The following MORC1 variants were observed in gnomAD, a reference collection of about 807,000 sequenced individuals.
The protein encoded by MORC1 is MORC family CW-type zinc finger 1, also known as MORC family CW-type zinc finger protein 1.
In MORC1, 59 loss-of-function variants were observed where a neutral mutation model predicts 134.9. That is an observed-to-expected ratio of 0.44 (90% CI 0.35 to 0.54). MORC1 has a LOEUF of 0.54. MORC1 is among the 20% of genes least tolerant of loss of function. MORC1 has a pLI of 0.00. For synonymous variants in MORC1, 395 were observed against 391.7 expected (o/e 1.01, Z -0.10); for missense variants, 947 against 1,134.5 (o/e 0.83, Z 2.37).
At chr3:108,969,833 C>G in intron 25 of MORC1, 111 bp from the exon 26 acceptor site, 2 of 1,017,440 alleles carry the variant, frequency 2.0e-6, no homozygotes, top group South Asian at 2.8e-5. Flanking sequence ...AAGCCTAGAA[C>G]TGGCCAACAT....
At chr3:108,983,035 A>C (rs1360572929) in intron 23 of MORC1, among the ~76,000 whole-genome samples, 4 of 152,176 alleles carry the variant, frequency 2.6e-5, no homozygotes, top group Admixed American at 2.6e-4. Context: ...CAAAAAAAAA[A>C]CAATCTCATA....
intron 1 of MORC1, among the ~76,000 whole-genome samples, chr3:109,117,587 T>C (rs1465722588): frequency 1.3e-5 from 2 of 152,156 alleles, no homozygotes; most frequent in African/African-American, 4.8e-5. Flanking sequence ...GTTACATTTT[T>C]GAAAAGACTC....
At chr3:109,105,957 C>G (rs1024737897) in intron 3 of MORC1, among the ~76,000 whole-genome samples, 2 of 152,142 alleles carry the variant, frequency 1.3e-5, no homozygotes, top group Non-Finnish European at 2.9e-5. Flanking sequence ...CTCCTCTCCC[C>G]CTTTAAAGTA....
intron 6 of MORC1, among the ~76,000 whole-genome samples, chr3:109,098,582 C>T (rs1950869756): frequency 6.6e-6 from 1 of 152,194 alleles, no homozygotes; most frequent in Non-Finnish European, 1.5e-5. Context: ...GCAAGTTGTA[C>T]TCTCTCCATA....
intron 9 of MORC1, among the ~76,000 whole-genome samples, chr3:109,067,624 TG>T (rs1175994061): frequency 3.3e-5 from 5 of 152,216 alleles, no homozygotes; most frequent in Admixed American, 1.3e-4. Flanking sequence ...TCGGCTATAT[TG>T]ATTGATCCAG....
rs1947909390 is a variant in MORC1 at position 108,986,901 on chromosome 3, C to G, written c.2236G>C (p.Glu746Gln). Residue 746 changes from glutamate (E) to glutamine (Q), a missense_variant, in exon 22 of 28, where the codon GAA becomes CAA. By Grantham distance (29) the Glu-to-Gln change is conservative. Coordinates refer to ENST00000232603, the MANE Select transcript of MORC1 (RefSeq NM_014429.4). ...TDVSLKQEKK[E>Q]IPLLNQEKQE... is the part of the protein sequence containing the mutation. ...TTACCTTGGTTTAAAAGAGGAATTT[C>G]CTTTTTTTCTTGTTTCAATGAAACA... The G allele has an allele frequency of 1.3e-6, 2 of 1,569,708 alleles. No individual in the cohort carries two copies. Among genetic ancestry groups the G allele is most frequent in the Admixed American group, 1.9e-5 (1 of 51,808 alleles).
At chr3:108,971,278 A>C in intron 25 of MORC1, 52 bp downstream of exon 25, 1 of 1,514,950 alleles carries the variant, frequency 6.6e-7, no homozygotes, top group African/African-American at 1.4e-5. Context: ...TTCTTCACTG[A>C]GATTCAGGCT....
chr3:109,011,524 GTT>G (rs577815272), intron 17 of MORC1, among the ~76,000 whole-genome samples: 4 of 138,316 alleles, frequency 2.9e-5, no homozygotes, highest in Non-Finnish European at 3.2e-5. Context: ...CTTTGTTTTT[GTT>G]TTTTTTTTTT....
rs1947368984 is a variant in MORC1 at position 108,971,190 on chromosome 3, T to C, written c.2550+140A>G. The C allele has an allele frequency of 7.5e-6, 5 of 668,408 alleles. No homozygotes were observed. The South Asian group carries it at 1.0e-4, about 13-fold the overall frequency. 41.4% of individuals were successfully genotyped at this position (668,408 alleles called of 1,614,324 possible). On this transcript the variant is annotated intron_variant, in intron 25 of 27. Coordinates refer to ENST00000232603, the MANE Select transcript of MORC1 (RefSeq NM_014429.4). Reference sequence around the variant, plus strand: ...TTTCAAATATAGCTTTAATTATGAATCACCATTTGGTATAAAGATGCTCAT... The same window carrying C: ...TTTCAAATATAGCTTTAATTATGAACCACCATTTGGTATAAAGATGCTCAT...
At chr3:108,975,207 G>A (rs1023263553) in intron 24 of MORC1, among the ~76,000 whole-genome samples, 5 of 152,178 alleles carry the variant, frequency 3.3e-5, no homozygotes, top group Non-Finnish European at 5.9e-5. Context: ...AGAAGAGCAA[G>A]CCTCCTACTG....
chr3:109,036,973 C>T (rs953863594), intron 14 of MORC1, among the ~76,000 whole-genome samples: 1 of 152,150 alleles, frequency 6.6e-6, no homozygotes, highest in Non-Finnish European at 1.5e-5. Flanking sequence ...CTGGAAATGC[C>T]TCTAAAATTT....
chr3:109,027,879 C>T lies in MORC1; in HGVS notation c.1576G>A (p.Val526Ile), dbSNP rs777317602. ...PNRLENSCHQ[V>I]ECLPSIPLGT... ...AGTGGGATGGAAGGTAGACATTCTA[C>T]CTGATGACAACTTCAGAATCAACAA... The change falls in exon 17 of 28, where the codon GTA becomes ATA. Residue 526 changes from valine (V) to isoleucine (I), a missense_variant. Transcript: ENST00000232603. 6.2e-7 allele frequency: 1 copy of T among 1,613,328 alleles called. No homozygotes were observed. Among genetic ancestry groups the T allele is most frequent in the Non-Finnish European group, 8.5e-7 (1 of 1,179,682 alleles).
At chr3:109,086,677 G>T (rs1414042578) in intron 8 of MORC1, among the ~76,000 whole-genome samples, 1 of 152,004 alleles carries the variant, frequency 6.6e-6, no homozygotes, top group Non-Finnish European at 1.5e-5. Context: ...GTTCCCAAAA[G>T]TGAAAAATTA....
At chr3:109,016,277 T>C (rs1338877158) in intron 17 of MORC1, among the ~76,000 whole-genome samples, 1 of 152,180 alleles carries the variant, frequency 6.6e-6, no homozygotes, top group East Asian at 1.9e-4. Flanking sequence ...TCTCATACTC[T>C]TCTGGACAAT....
chr3:108,975,867 A>G (rs1669576027), intron 24 of MORC1, among the ~76,000 whole-genome samples: 1 of 152,142 alleles, frequency 6.6e-6, no homozygotes, highest in African/African-American at 2.4e-5. Flanking sequence ...GAACCAGTTC[A>G]GCTTATGTAC....
chr3:109,105,391 C>T lies in MORC1; in HGVS notation c.155-1474G>A, dbSNP rs569240949. Among the ~76,000 whole-genome samples, 4 of 152,206 alleles carry T rather than the reference C, an allele frequency of 2.6e-5. No homozygotes were observed. In the East Asian group the frequency reaches 7.7e-4, roughly 29 times the overall value. On this transcript the variant is annotated intron_variant, in intron 3 of 27. Transcript: ENST00000232603. ...TACAAAAATTAGCTGGGTGTGGTGGCGTGTGCCTGTAGTCCCAGCTACTCT... is the reference window on the plus strand; with the variant it reads ...TACAAAAATTAGCTGGGTGTGGTGGTGTGTGCCTGTAGTCCCAGCTACTCT...
chr3:109,083,407 A>C (rs998500590), intron 8 of MORC1, among the ~76,000 whole-genome samples: 11 of 152,142 alleles, frequency 7.2e-5, no homozygotes, highest in Non-Finnish European at 1.5e-4. Flanking sequence ...CAATCTACTC[A>C]TTATGCTAGT....
chr3:109,048,097 C>T (rs1243064688), intron 14 of MORC1, among the ~76,000 whole-genome samples: 2 of 152,084 alleles, frequency 1.3e-5, no homozygotes, highest in African/African-American at 4.8e-5. Context: ...ATGCAGTGAG[C>T]AAAATCTAGA....
chr3:108,995,122 G>C (rs73202713), intron 21 of MORC1, among the ~76,000 whole-genome samples: 2,515 of 152,276 alleles, frequency 0.017, 27 homozygotes, highest in Non-Finnish European at 0.026. Context: ...AGTTTGCCTG[G>C]AGTAAAGTTG....
Sources: gnomAD v4.1 joint callset for allele counts (sites outside exome capture counted in the v4.1 genomes callset) on GRCh38, gnomAD v4.1.1 for gene constraint, MANE v1.5 for transcripts, NCBI Gene and HGNC (gene_info 2026-07-23, HGNC 2026-07-21) for gene names.